The following MYCBP2 variants were observed in gnomAD, a reference collection of about 807,000 sequenced individuals.
MYCBP2 encodes MYC binding protein 2.
Under a neutral mutation model 525.3 loss-of-function variants are expected in MYCBP2, and 120 were observed. The observed-to-expected ratio is 0.23, with a 90% confidence interval of 0.20 to 0.27. The LOEUF (loss-of-function observed/expected upper bound fraction) is 0.27. MYCBP2 is among the 10% of genes least tolerant of loss of function. MYCBP2 has a pLI of 1.00. For missense variants in MYCBP2, 4,149 were observed against 5,657.1 expected, an observed-to-expected ratio of 0.73 and a Z score of 8.55; for synonymous variants, 1,894 against 1,955.8, an observed-to-expected ratio of 0.97 and a Z score of 0.83.
intron 30 of MYCBP2, among the ~76,000 whole-genome samples, chr13:77,186,956 T>C (rs2060787139): frequency 6.6e-6 from 1 of 151,840 alleles, no homozygotes; most frequent in African/African-American, 2.4e-5. Context: ...GGACTACAAG[T>C]GCGCACCACC....
intron 55 of MYCBP2, among the ~76,000 whole-genome samples, chr13:77,100,993 T>C (rs1263077491): frequency 6.6e-6 from 1 of 152,118 alleles, no homozygotes; most frequent in Non-Finnish European, 1.5e-5. Context: ...AGTAACAGCA[T>C]ATGGCAAATT....
At chr13:77,184,198 CTA>C (rs1291458498) in intron 32 of MYCBP2, among the ~76,000 whole-genome samples, 5 of 152,114 alleles carry the variant, frequency 3.3e-5, no homozygotes, top group Non-Finnish European at 7.4e-5. Flanking sequence ...TTTTATCTTT[CTA>C]TGTGAAACAT....
At chr13:77,105,918 C>A (rs2047784344) in intron 55 of MYCBP2, among the ~76,000 whole-genome samples, 1 of 152,072 alleles carries the variant, frequency 6.6e-6, no homozygotes, top group South Asian at 2.1e-4. Context: ...GTATTAAATT[C>A]CCTGAGTCAT....
chr13:77,244,155 C>T (rs2069441155), intron 15 of MYCBP2, among the ~76,000 whole-genome samples: 1 of 152,028 alleles, frequency 6.6e-6, no homozygotes, highest in Admixed American at 6.6e-5. Context: ...GATTAAACTC[C>T]CAATAGGCAT....
chr13:77,205,124 A>G (rs2063175943), intron 26 of MYCBP2, 132 bp downstream of exon 26: 1 of 740,888 alleles, frequency 1.3e-6, no homozygotes, highest in Non-Finnish European at 1.9e-6. Flanking sequence ...ATCGCTTTTT[A>G]AAAAGAAGCA....
chr13:77,243,559 G>A (rs2069263828), intron 16 of MYCBP2, among the ~76,000 whole-genome samples: 1 of 151,240 alleles, frequency 6.6e-6, no homozygotes, highest in African/African-American at 2.4e-5. Context: ...GTTGCAGTGA[G>A]CTGAGATTGA....
intron 40 of MYCBP2, among the ~76,000 whole-genome samples, chr13:77,167,783 T>C (rs1268331876): frequency 2.0e-5 from 3 of 152,222 alleles, no homozygotes; most frequent in Non-Finnish European, 4.4e-5. Flanking sequence ...TGACTAACAG[T>C]TGAAACTGCT....
At chr13:77,050,652 A>T (rs1471042450) in intron 82 of MYCBP2, among the ~76,000 whole-genome samples, 2 of 121,080 alleles carry the variant, frequency 1.7e-5, no homozygotes, top group East Asian at 5.6e-4. Context: ...AGGCTTCGTT[A>T]AAAAAAAAAA....
intron 46 of MYCBP2, 74 bp from the exon 47 acceptor site, chr13:77,151,023 A>G (rs1307061760): frequency 6.0e-6 from 7 of 1,170,094 alleles, no homozygotes; most frequent in Non-Finnish European, 8.8e-6. Context: ...GCAACTTACT[A>G]TTATAAACTC....
chr13:77,259,100 C>CA, intron 13 of MYCBP2, among the ~76,000 whole-genome samples: 1 of 152,138 alleles, frequency 6.6e-6, no homozygotes, highest in Middle Eastern at 3.4e-3. Flanking sequence ...ACTAAAAATA[C>CA]AAAAAATACA....
chr13:77,269,613 G>A (rs534665277), intron 7 of MYCBP2, among the ~76,000 whole-genome samples: 27 of 152,098 alleles, frequency 1.8e-4, no homozygotes, highest in Admixed American at 1.6e-3. Flanking sequence ...GTGACACAGC[G>A]AGATTCTGTC....
chr13:77,210,968 G>C (rs1407317740), intron 23 of MYCBP2, among the ~76,000 whole-genome samples, 199 bp downstream of exon 23: 1 of 152,162 alleles, frequency 6.6e-6, no homozygotes, highest in Admixed American at 6.5e-5. Flanking sequence ...AACCTAGGTA[G>C]TGTTGCTTAA....
chr13:77,077,779 T>G (rs2042571009), intron 66 of MYCBP2: 1 of 158,146 alleles, frequency 6.3e-6, no homozygotes, highest in Non-Finnish European at 1.4e-5. Flanking sequence ...AAGGGTTCTT[T>G]TTTTGTGCAT....
At chr13:77,054,027 TGTG>T (rs1165033695) in intron 80 of MYCBP2, among the ~76,000 whole-genome samples, 1 of 152,038 alleles carries the variant, frequency 6.6e-6, no homozygotes, top group Non-Finnish European at 1.5e-5. Context: ...ACCAAAATCA[TGTG>T]GTGGTGGTGT....
intron 1 of MYCBP2, among the ~76,000 whole-genome samples, chr13:77,303,311 C>T (rs1457229651): frequency 1.3e-5 from 2 of 152,292 alleles, no homozygotes; most frequent in African/African-American, 4.8e-5. Flanking sequence ...CCAGCCTGGG[C>T]GACAGAGCGA....
chr13:77,134,582 C>CAA lies in MYCBP2; in HGVS notation c.7659+4612_7659+4613dup, dbSNP rs199903393. 2.1e-3 allele frequency among the ~76,000 whole-genome samples: 296 copies of CAA among 140,678 alleles called. 1 individual carries two copies. Among genetic ancestry groups the CAA allele is most frequent in the African/African-American group, 5.5e-3 (215 of 38,768 alleles). The allele number at this position is 140,678 out of a possible 152,430, so 92.3% of individuals were successfully genotyped here. A position where few individuals can be genotyped will look rare whatever the true frequency, so the allele number is the denominator to read the frequency against. On this transcript the variant is annotated intron_variant, in intron 52 of 82. Coordinates refer to ENST00000544440, the MANE Select transcript of MYCBP2 (RefSeq NM_015057.5). ...AAACAAAAAACAACAACAAAAATAA[C>CAA]AAAAAAAAAAAGGAAAAGTGTTCTA...
Position 77,181,863 on chromosome 13 carries a change from T to C in MYCBP2, c.4779A>G (p.Ser1593=), listed in dbSNP as rs749922901. 2 of 1,614,068 alleles carry C rather than the reference T, an allele frequency of 1.2e-6. No individual in the cohort carries two copies. The highest frequency in any genetic ancestry group is 1.7e-6 in the Non-Finnish European group (2 of 1,180,020). ...SSSRLLAAVM[S]ALCHTSVKLT... ...GCTTAACAGACGTGTGACACAGAGC[T>C]GACATAACAGCTGCAAGGAGTCGGC... The change falls in exon 33 of 83, where the codon TCA becomes TCG. Residue 1593 remains serine, a synonymous_variant. Transcript: ENST00000544440.
In MYCBP2 at chr13:77,156,049, T is replaced by C. The variant is rs746727174; in HGVS notation, c.6915+9A>G. 3.7e-5 allele frequency: 59 copies of C among 1,609,192 alleles called. No homozygotes were observed. The highest frequency in any genetic ancestry group is 4.7e-5 in the Non-Finnish European group (55 of 1,177,460). ...TAGATGTCTGCTAATTTAATCCAGTTATAATTACCTTCATATTGGGAACAT... is the reference window on the plus strand; with the variant it reads ...TAGATGTCTGCTAATTTAATCCAGTCATAATTACCTTCATATTGGGAACAT... On this transcript the variant is annotated intron_variant, in intron 46 of 82. Transcript: ENST00000544440.
chr13:77,111,435 C>A (rs867760174), intron 55 of MYCBP2, among the ~76,000 whole-genome samples: 19 of 149,702 alleles, frequency 1.3e-4, no homozygotes, highest in Admixed American at 6.7e-4. Flanking sequence ...CATGTCACTT[C>A]CTTTTTTTTT....
Sources: gnomAD v4.1 joint callset for allele counts (sites outside exome capture counted in the v4.1 genomes callset) on GRCh38, gnomAD v4.1.1 for gene constraint, MANE v1.5 for transcripts, NCBI Gene and HGNC (gene_info 2026-07-23, HGNC 2026-07-21) for gene names.